The following COL19A1 variants were observed in gnomAD, a reference collection of about 807,000 sequenced individuals.
COL19A1 encodes collagen alpha-1(XIX) chain.
Under a neutral mutation model 190.2 loss-of-function variants are expected in COL19A1, and 159 were observed. That is an observed-to-expected ratio of 0.84 (90% CI 0.73 to 0.95). COL19A1 has a LOEUF of 0.95. Among genes scored for constraint, COL19A1 ranks in the 40% least tolerant of loss-of-function variants. The probability of loss-of-function intolerance (pLI) is 0.00; values close to 1 mark genes in which losing one functional copy is unlikely to be tolerated. For missense variants in COL19A1, 1,418 were observed against 1,431.9 expected, an observed-to-expected ratio of 0.99 and a Z score of 0.16; for synonymous variants, 509 against 458.9, an observed-to-expected ratio of 1.11 and a Z score of -1.39.
Position 70,188,080 on chromosome 6 carries a change from T to A in COL19A1, c.2862T>A (p.Asp954Glu). ...TATTATTTTTTCCTTAACAGGGTGA[T>A]CAGGGGATTCCAGGAGACAGAGGCT... ...GDRGPKGERG[D>E]QGIPGDRGSQ... The change falls in exon 47 of 51, where the codon GAT (aspartate) becomes GAA (glutamate). Residue 954 changes from aspartate to glutamate, a missense_variant. By Grantham distance (45) the Asp-to-Glu change is conservative. Coordinates refer to ENST00000620364, the MANE Select transcript of COL19A1 (RefSeq NM_001858.6). 1 of 1,613,386 alleles carries A rather than the reference T, an allele frequency of 6.2e-7. No individual in the cohort carries two copies. The highest frequency in any genetic ancestry group is 8.5e-7 in the Non-Finnish European group (1 of 1,179,700).
chr6:70,070,891 A>G (rs1044943846), intron 15 of COL19A1, among the ~76,000 whole-genome samples: 2 of 152,116 alleles, frequency 1.3e-5, no homozygotes, highest in African/African-American at 2.4e-5. Flanking sequence ...AGGAATTTAA[A>G]ATCATTTTTA....
intron 9 of COL19A1, among the ~76,000 whole-genome samples, chr6:69,938,741 C>T (rs1242872778): frequency 1.3e-5 from 2 of 151,962 alleles, no homozygotes; most frequent in Non-Finnish European, 2.9e-5. Flanking sequence ...GTGGACTGGA[C>T]CTCTAAGTGT....
intron 11 of COL19A1, among the ~76,000 whole-genome samples, chr6:70,010,513 C>G (rs1161547004): frequency 1.4e-5 from 2 of 142,038 alleles, no homozygotes; most frequent in African/African-American, 5.7e-5. Flanking sequence ...GCACCGTGCG[C>G]GAGCGGAAGC....
intron 41 of COL19A1, among the ~76,000 whole-genome samples, chr6:70,175,965 C>T (rs1272931371): frequency 1.3e-5 from 2 of 152,098 alleles, no homozygotes; most frequent in Non-Finnish European, 2.9e-5. Flanking sequence ...TTAGCATTGT[C>T]AGCTTTATCT....
intron 12 of COL19A1, among the ~76,000 whole-genome samples, chr6:70,029,577 A>G (rs954811016): frequency 2.0e-5 from 3 of 152,082 alleles, no homozygotes; most frequent in Admixed American, 2.0e-4. Context: ...ATAACCATTG[A>G]TAGGAGCACC....
intron 4 of COL19A1, among the ~76,000 whole-genome samples, chr6:69,912,714 A>G (rs1220485329): frequency 1.3e-5 from 2 of 152,124 alleles, no homozygotes; most frequent in East Asian, 1.9e-4. Context: ...GAGGCAGTGT[A>G]TCTTGGGCAC....
At chr6:70,192,974 G>C (rs1766976779) in intron 48 of COL19A1, among the ~76,000 whole-genome samples, 1 of 151,956 alleles carries the variant, frequency 6.6e-6, no homozygotes, top group Admixed American at 6.6e-5. Flanking sequence ...TTATCTAAGA[G>C]AGCTTTAATA....
Position 70,133,153 on chromosome 6 carries a change from T to A in COL19A1, c.1383+2930T>A, listed in dbSNP as rs188478312. Among the ~76,000 whole-genome samples, 466 of 152,304 alleles carry A rather than the reference T, an allele frequency of 3.1e-3. 6 individuals carry two copies. Among genetic ancestry groups the A allele is most frequent in the Non-Finnish European group, 1.2e-3 (82 of 68,038 alleles). The stretch of plus-strand genomic sequence containing the variant: ...TAATTTTGACAAAGAAGGGACTCAG[T>A]TTGTGCTGTAGAATAAAATATTTAA... On this transcript the variant is annotated intron_variant, in intron 18 of 50. Coordinates refer to ENST00000620364, the MANE Select transcript of COL19A1 (RefSeq NM_001858.6).
intron 15 of COL19A1, among the ~76,000 whole-genome samples, chr6:70,072,277 C>A (rs1358516168): frequency 6.6e-6 from 1 of 152,070 alleles, no homozygotes; most frequent in Admixed American, 6.5e-5. Context: ...TTTTATGTAA[C>A]CTTGAATTTT....
intron 14 of COL19A1, among the ~76,000 whole-genome samples, chr6:70,039,056 GAA>G (rs111937768): frequency 7.9e-5 from 11 of 138,762 alleles, no homozygotes; most frequent in Admixed American, 5.8e-4. Context: ...GACTCCGTCT[GAA>G]AAAAAAAAAA....
At position 70,156,329 on chromosome 6, in the gene COL19A1, C is replaced by A. The variant is rs193046291; in HGVS notation, c.2198C>A (p.Pro733Gln). ...TCTGTCTTCTAGGGTGATATAGGGC[C>A]ACGGGGTCCTCCAGGAATCCCAGGA... is the stretch of plus-strand genomic sequence containing the variant. ...DSMARKGDIG[P>Q]RGPPGIPGRE... Residue 733 changes from proline (P) to glutamine (Q), a missense_variant, in exon 33 of 51, where the codon CCA becomes CAA. Coordinates refer to ENST00000620364, the MANE Select transcript of COL19A1 (RefSeq NM_001858.6). 86 of 1,613,260 alleles carry A rather than the reference C, an allele frequency of 5.3e-5. No homozygotes were observed. The African/African-American group carries it at 9.2e-4, about 17-fold the overall frequency.
intron 18 of COL19A1, among the ~76,000 whole-genome samples, chr6:70,131,609 C>T (rs9454984): frequency 0.14 from 21,999 of 152,074 alleles, 1,671 homozygotes; most frequent in Middle Eastern, 0.16. Flanking sequence ...AGAAACCATA[C>T]GCCACCATAA....
At chr6:69,955,624 C>A (rs1410738682) in intron 9 of COL19A1, among the ~76,000 whole-genome samples, 2 of 149,954 alleles carry the variant, frequency 1.3e-5, no homozygotes, top group East Asian at 2.0e-4. Flanking sequence ...GTGAGTAAGA[C>A]CATTTCTGGA....
At chr6:69,921,093 C>CATATCATATATTCATATACATAT (rs1771720260) in intron 4 of COL19A1, among the ~76,000 whole-genome samples, 1 of 89,140 alleles carries the variant, frequency 1.1e-5, no homozygotes, top group Non-Finnish European at 2.1e-5. Flanking sequence ...TATTCATAGA[C>CATATCATATATTCATATACATAT]ATATCATATA....
intron 2 of COL19A1, among the ~76,000 whole-genome samples, chr6:69,898,612 A>T (rs1476365406): frequency 2.6e-5 from 4 of 152,342 alleles, no homozygotes; most frequent in African/African-American, 9.6e-5. Context: ...CACTTGTTTT[A>T]CTATTGTACT....
rs1485650136 is a variant in COL19A1 at position 70,161,944 on chromosome 6, T to A, written c.2337T>A (p.Thr779=). The stretch of plus-strand genomic sequence containing the variant: ...GCATTCCAGGTGCTCCAGGCCCGAC[T>A]GGACCCCCTGTAAGTATTTGTTAAA... The part of the protein sequence containing the change: ...IPGIPGAPGP[T]GPPGLMGRTG... Residue 779 remains threonine (T), a synonymous_variant, in exon 35 of 51, where the codon ACT becomes ACA. Transcript: ENST00000620364. 6.2e-7 allele frequency: 1 copy of A among 1,604,386 alleles called. No individual in the cohort carries two copies. Among genetic ancestry groups the A allele is most frequent in the Non-Finnish European group, 8.5e-7 (1 of 1,175,632 alleles).
At chr6:69,993,494 C>T (rs898111994) in intron 11 of COL19A1, among the ~76,000 whole-genome samples, 12 of 152,090 alleles carry the variant, frequency 7.9e-5, no homozygotes, top group African/African-American at 2.9e-4. Flanking sequence ...GGAGGGGTCC[C>T]TCCACCTTAG....
Position 70,162,073 on chromosome 6 carries a change from G to A in COL19A1, c.2346+120G>A, listed in dbSNP as rs908525409. 3 of 839,472 alleles carry A rather than the reference G, an allele frequency of 3.6e-6. No individual in the cohort carries two copies. The African/African-American group carries it at 5.3e-5, about 15-fold the overall frequency. The allele number at this position is 839,472 out of a possible 1,614,324, so 52.0% of individuals were successfully genotyped here. ...CCTCTATGTAGATTGTCCAGATATT[G>A]CCTGGAAAAGTAGCCTCATCCAAGC... On this transcript the variant is annotated intron_variant, in intron 35 of 50. Coordinates refer to ENST00000620364, the MANE Select transcript of COL19A1 (RefSeq NM_001858.6).
In COL19A1 at chr6:69,928,012, A is replaced by G; in HGVS notation, c.370A>G (p.Asn124Asp). The G allele has an allele frequency of 6.2e-7, 1 of 1,613,226 alleles. No homozygotes were observed. The highest frequency in any genetic ancestry group is 8.5e-7 in the Non-Finnish European group (1 of 1,179,468). Residue 124 changes from asparagine (N) to aspartate (D), a missense_variant, in exon 5 of 51, where the codon AAC becomes GAC. By Grantham distance (23) the Asn-to-Asp change is conservative. Transcript: ENST00000620364. ...ACGGTGGTTTCTGTGGCAGGTTTTA[A>G]ACCAGCAGAATATTCCACAGGTAAA... is the stretch of plus-strand genomic sequence containing the variant. ...KERWFLWQVL[N>D]QQNIPQISIV... is the part of the protein sequence containing the mutation.
Sources: gnomAD v4.1 joint callset for allele counts (sites outside exome capture counted in the v4.1 genomes callset) on GRCh38, gnomAD v4.1.1 for gene constraint, MANE v1.5 for transcripts, NCBI Gene and HGNC (gene_info 2026-07-23, HGNC 2026-07-21) for gene names.